FREM3: variants seen among roughly 807,000 people sequenced by gnomAD.
FREM3 encodes FRAS1 related extracellular matrix 3, also known as FRAS1-related extracellular matrix protein 3.
A neutral mutation model predicts 129.1 loss-of-function variants in FREM3; 105 were observed. The ratio of observed to expected loss-of-function variants is 0.81; its 90% CI spans 0.69 to 0.96. The LOEUF is 0.96. FREM3 is among the 40% of genes least tolerant of loss of function. The pLI is 0.00. For synonymous variants in FREM3, 1,014 were observed against 1,044.9 expected (o/e 0.97, Z 0.57); for missense variants, 2,593 against 2,666.3 (o/e 0.97, Z 0.61).
intron 3 of FREM3, 135 bp from the exon 4 acceptor site, chr4:143,624,473 GT>G (rs1411269052): frequency 1.9e-5 from 12 of 615,706 alleles, no homozygotes; most frequent in Non-Finnish European, 2.8e-5. Flanking sequence ...AAAGACACTT[GT>G]AAATGATCTT....
At chr4:143,653,562 C>T (rs1739548127) in intron 2 of FREM3, among the ~76,000 whole-genome samples, 1 of 152,278 alleles carries the variant, frequency 6.6e-6, no homozygotes. Context: ...TAAACCTAAA[C>T]ATAGAAGTGG....
chr4:143,613,824 A>G (rs1738799969), intron 5 of FREM3, among the ~76,000 whole-genome samples: 1 of 152,218 alleles, frequency 6.6e-6, no homozygotes, highest in South Asian at 2.1e-4. Context: ...AAAAGCAGAT[A>G]CTGTAGACAC....
chr4:143,611,311 G>C lies in FREM3; in HGVS notation c.5996C>G (p.Thr1999Ser), dbSNP rs1578833782. ...ACGATCAGCCAGAATAGTCACCTTA[G>C]TGGTGGGGAATCTGGCTCCCAGCTG... ...GGQLGARFPT[T>S]KVTILADRYD... Residue 1999 changes from threonine to serine, a missense_variant, in exon 6 of 8, where the codon ACT (threonine) becomes AGT (serine). Physicochemically the swap from Thr to Ser is moderately conservative, Grantham distance 58. Around this residue, in one of 2 missense-constraint regions of FREM3, gnomAD observed 317 missense variants for 399.0 expected, o/e 0.79. Transcript: ENST00000329798. 6.5e-7 allele frequency: 1 copy of C among 1,536,946 alleles called. No individual in the cohort carries two copies. The highest frequency in any genetic ancestry group is 1.4e-5 in the African/African-American group (1 of 73,026).
intron 2 of FREM3, among the ~76,000 whole-genome samples, chr4:143,632,962 C>A (rs551579594): frequency 6.6e-6 from 1 of 152,184 alleles, no homozygotes. Flanking sequence ...TATCATTTTG[C>A]AGCCTCTCTT....
At position 143,577,316 on chromosome 4, in the gene FREM3, CT is replaced by C. The variant is rs1047138368; in HGVS notation, c.*294del. ...AGAGAGGTTAATTCTTTGATCTTAA[CT>C]TTTGATTTAATTGATCACAGTGGAT... On this transcript the variant is annotated 3_prime_UTR_variant, in exon 8 of 8. Transcript: ENST00000329798. 2 of 458,870 alleles carry C rather than the reference CT, an allele frequency of 4.4e-6. No individual in the cohort carries two copies. The highest frequency in any genetic ancestry group is 4.0e-5 in the African/African-American group (2 of 50,258). The allele number at this position is 458,870 out of a possible 1,614,324, so 28.4% of individuals were successfully genotyped here.
rs1236400431 is a variant in FREM3 at position 143,700,200 on chromosome 4, G to T, written c.476C>A (p.Ala159Glu). ...CAGCTGGGAGAAGACCAAGTCCACC[G>T]CCAGCGTGAAGGGCAGCACCAGAGT... ...THTLVLPFTLAVDLVFSQLEL... is the reference protein window; with the variant it reads ...THTLVLPFTLEVDLVFSQLEL... The change falls in exon 1 of 8, where the codon GCG becomes GAG. Residue 159 changes from alanine to glutamate, a missense_variant. This residue lies in a region of FREM3 where 2,276 missense variants were observed against 2,267.2 expected (regional missense o/e 1.00). Coordinates refer to ENST00000329798, the MANE Select transcript of FREM3 (RefSeq NM_001168235.2). 1 of 1,536,998 alleles carries T rather than the reference G, an allele frequency of 6.5e-7. No homozygotes were observed. The highest frequency in any genetic ancestry group is 8.7e-7 in the Non-Finnish European group (1 of 1,146,910).
At chr4:143,593,748 A>G (rs889572668) in intron 6 of FREM3, among the ~76,000 whole-genome samples, 1 of 151,778 alleles carries the variant, frequency 6.6e-6, no homozygotes, top group Non-Finnish European at 1.5e-5. Flanking sequence ...GAGAACCACT[A>G]CTCTCTTCAA....
chr4:143,598,243 A>G (rs897670387), intron 6 of FREM3, among the ~76,000 whole-genome samples: 1 of 152,244 alleles, frequency 6.6e-6, no homozygotes, highest in Non-Finnish European at 1.5e-5. Flanking sequence ...GACAGAAGCC[A>G]GTGACTTGGG....
intron 2 of FREM3, among the ~76,000 whole-genome samples, chr4:143,677,358 G>A (rs1415712664): frequency 6.6e-6 from 1 of 152,168 alleles, no homozygotes; most frequent in Non-Finnish European, 1.5e-5. Flanking sequence ...AGCTGAAACT[G>A]GATCCCTTCC....
In FREM3 at chr4:143,693,096, G is replaced by A. The variant is rs751424877; in HGVS notation, c.5275+17C>T. The A allele has an allele frequency of 7.8e-6, 10 of 1,289,920 alleles. No homozygotes were observed. Among genetic ancestry groups the A allele is most frequent in the South Asian group, 1.5e-5 (1 of 65,872 alleles). The allele number at this position is 1,289,920 out of a possible 1,614,324, so 79.9% of individuals were successfully genotyped here. A position where few individuals can be genotyped will look rare whatever the true frequency, so the allele number is the denominator to read the frequency against. On this transcript the variant is annotated intron_variant, in intron 2 of 7. Transcript: ENST00000329798. Reference sequence around the variant, plus strand: ...TAGTTAACCATGAATCCTTTTGAAGGGTTTATTATGACTTACCATTGTCTT... The same window carrying A: ...TAGTTAACCATGAATCCTTTTGAAGAGTTTATTATGACTTACCATTGTCTT...
In FREM3 at chr4:143,577,809, A is replaced by G. The variant is rs998505348; in HGVS notation, c.6222T>C (p.Ala2074=). ...GGAATGTCTGCATGCGCACGCCTGG[A>G]GCAAAGTCCAGGTTTCGGCTGATAC... The part of the protein sequence containing the change: ...YVGISRNLDF[A]PGVRMQTFQV... Residue 2074 remains alanine (A), a synonymous_variant, in exon 8 of 8, where the codon GCT becomes GCC. Transcript: ENST00000329798. 4 of 1,537,258 alleles carry G rather than the reference A, an allele frequency of 2.6e-6. No homozygotes were observed. Among genetic ancestry groups the G allele is most frequent in the Non-Finnish European group, 3.5e-6 (4 of 1,146,922 alleles).
At chr4:143,594,915 G>A (rs1738439834) in intron 6 of FREM3, among the ~76,000 whole-genome samples, 1 of 152,166 alleles carries the variant, frequency 6.6e-6, no homozygotes, top group African/African-American at 2.4e-5. Flanking sequence ...TAAAGGATGG[G>A]CAATTAGAAG....
At chr4:143,666,841 G>T (rs6815892) in intron 2 of FREM3, among the ~76,000 whole-genome samples, 3 of 151,616 alleles carry the variant, frequency 2.0e-5, no homozygotes, top group Non-Finnish European at 2.9e-5. Context: ...CCACTGAATT[G>T]TATACCTAAG....
Position 143,624,134 on chromosome 4 carries a change from G to A in FREM3, c.5627C>T (p.Thr1876Met), listed in dbSNP as rs771352075. 10 of 1,534,366 alleles carry A rather than the reference G, an allele frequency of 6.5e-6. 1 individual carries two copies. Among genetic ancestry groups the A allele is most frequent in the South Asian group, 3.6e-5 (3 of 84,010 alleles). The change falls in exon 4 of 8, where the codon ACG becomes ATG. Residue 1876 changes from threonine (T) to methionine (M), a missense_variant. Physicochemically the swap from Thr to Met is moderately conservative, Grantham distance 81. Coordinates refer to ENST00000329798, the MANE Select transcript of FREM3 (RefSeq NM_001168235.2). ...ATCTCCAGGGTCTACAATTTCAACC[G>A]TTGCCATTTCTGGAAACTCCAGTAC... ...MAVLEFPEMA[T>M]VEIVDPGDES...
At chr4:143,616,483 C>G (rs1361888313) in intron 5 of FREM3, among the ~76,000 whole-genome samples, 2 of 152,046 alleles carry the variant, frequency 1.3e-5, no homozygotes, top group African/African-American at 4.8e-5. Flanking sequence ...TGCTTGGAAC[C>G]CTTTAAGAAT....
chr4:143,611,244 A>G, intron 6 of FREM3, 35 bp downstream of exon 6: 2 of 1,515,438 alleles, frequency 1.3e-6, no homozygotes, highest in Non-Finnish European at 1.8e-6. Flanking sequence ...GAAGGCAGCT[A>G]TTGCCAAAGG....
chr4:143,675,188 G>A (rs1740092300), intron 2 of FREM3, among the ~76,000 whole-genome samples: 1 of 152,130 alleles, frequency 6.6e-6, no homozygotes, highest in Non-Finnish European at 1.5e-5. Context: ...ATAACAAACA[G>A]TCTCTCAGAC....
rs1156978969 is a variant in FREM3, at chr4:143,697,492, C to T, written c.3184G>A (p.Val1062Met). The T allele has an allele frequency of 3.3e-6, 5 of 1,537,286 alleles. No homozygotes were observed. The South Asian group carries it at 5.9e-5, about 18-fold the overall frequency. The stretch of plus-strand genomic sequence containing the variant: ...GGTCCCACATTGTCCACAGGCAGCA[C>T]AGTTACTTGTACCTGTACTTTCTCT... ...IIEKVQVQVT[V>M]LPVDNVGPKV... is the part of the protein sequence containing the mutation. The change falls in exon 1 of 8, where the codon GTG (valine) becomes ATG (methionine). Residue 1062 changes from valine to methionine, a missense_variant. By Grantham distance (21) the Val-to-Met change is conservative. Coordinates refer to ENST00000329798, the MANE Select transcript of FREM3 (RefSeq NM_001168235.2).
intron 6 of FREM3, among the ~76,000 whole-genome samples, chr4:143,594,544 A>G (rs1008219771): frequency 3.9e-5 from 6 of 152,176 alleles, no homozygotes; most frequent in African/African-American, 1.4e-4. Flanking sequence ...AACTTATTAC[A>G]AAGTTTGTTG....
Sources: allele counts gnomAD v4.1 joint callset (sites outside exome capture counted in the v4.1 genomes callset), GRCh38; gene constraint gnomAD v4.1.1; regional missense constraint gnomAD v4.1.1; transcripts MANE v1.5; gene names NCBI Gene and HGNC (gene_info 2026-07-23, HGNC 2026-07-21).